The following JAM2 variants were observed in gnomAD, a reference collection of about 807,000 sequenced individuals.
JAM2 encodes the protein junctional adhesion molecule B.
A neutral mutation model predicts 42.0 loss-of-function variants in JAM2; 17 were observed. The ratio of observed to expected loss-of-function variants is 0.40; its 90% CI spans 0.28 to 0.61. The LOEUF (loss-of-function observed/expected upper bound fraction) is 0.61, where lower values mean the gene tolerates loss of function less well. Among genes scored for constraint, JAM2 ranks in the 20% least tolerant of loss-of-function variants. The pLI, the probability that JAM2 is intolerant of heterozygous loss-of-function variation, is 0.37. For missense variants in JAM2, 319 were observed against 358.3 expected, an observed-to-expected ratio of 0.89 and a Z score of 0.89; for synonymous variants, 118 against 128.6, an observed-to-expected ratio of 0.92 and a Z score of 0.56.
chr21:25,689,171 T>G (rs1157558385), intron 2 of JAM2, among the ~76,000 whole-genome samples: 2 of 152,208 alleles, frequency 1.3e-5, no homozygotes, highest in African/African-American at 4.8e-5. Flanking sequence ...TGCTAAGATT[T>G]AATACTTTAA....
chr21:25,650,862 A>G (rs1476888419), intron 1 of JAM2, among the ~76,000 whole-genome samples: 1 of 152,010 alleles, frequency 6.6e-6, no homozygotes, highest in African/African-American at 2.4e-5. Flanking sequence ...TTTAGAAATC[A>G]CGTGTATGTG....
At chr21:25,664,135 T>G (rs1568894901) in intron 1 of JAM2, among the ~76,000 whole-genome samples, 2 of 152,264 alleles carry the variant, frequency 1.3e-5, no homozygotes, top group Admixed American at 6.5e-5. Flanking sequence ...TCACTGCACA[T>G]TGCCTGTTTC....
At chr21:25,681,245 C>A (rs980035471) in intron 1 of JAM2, among the ~76,000 whole-genome samples, 2 of 152,112 alleles carry the variant, frequency 1.3e-5, no homozygotes, top group Admixed American at 1.3e-4. Flanking sequence ...CTTGAGATGA[C>A]CAATGTATTT....
intron 1 of JAM2, among the ~76,000 whole-genome samples, chr21:25,679,602 G>A (rs752082346): frequency 2.6e-5 from 4 of 152,204 alleles, no homozygotes; most frequent in Non-Finnish European, 5.9e-5. Context: ...GAATGATTGA[G>A]TGCCAGATAT....
intron 2 of JAM2, among the ~76,000 whole-genome samples, chr21:25,684,484 A>C (rs1391582843): frequency 6.6e-6 from 1 of 152,236 alleles, no homozygotes; most frequent in Non-Finnish European, 1.5e-5. Context: ...ATACAGTTAA[A>C]AATGGTCAAG....
At chr21:25,682,900 TC>T (rs1456434992) in intron 1 of JAM2, among the ~76,000 whole-genome samples, 1 of 152,068 alleles carries the variant, frequency 6.6e-6, no homozygotes, top group Non-Finnish European at 1.5e-5. Flanking sequence ...CTCTCGGTGT[TC>T]AGACGTCTCT....
Position 25,714,693 on chromosome 21 carries a change from A to C in JAM2, c.*21A>C, listed in dbSNP as rs762504079. On this transcript the variant is annotated 3_prime_UTR_variant, in exon 10 of 10. Transcript: ENST00000480456. Reference sequence around the variant, plus strand: ...TTTAAAGACTCCACTTTAGAGATACACCAAAGCCACCGTTGTTACACAAGT... The same window carrying C: ...TTTAAAGACTCCACTTTAGAGATACCCCAAAGCCACCGTTGTTACACAAGT... The C allele has an allele frequency of 6.9e-7, 1 of 1,459,350 alleles. No homozygotes were observed. Among genetic ancestry groups the C allele is most frequent in the South Asian group, 1.3e-5 (1 of 74,694 alleles). 90.4% of individuals were successfully genotyped at this position (1,459,350 alleles called of 1,614,324 possible). A position where few individuals can be genotyped will look rare whatever the true frequency, so the allele number is the denominator to read the frequency against.
At chr21:25,685,551 T>A in intron 2 of JAM2, among the ~76,000 whole-genome samples, 2 of 145,758 alleles carry the variant, frequency 1.4e-5, no homozygotes, top group African/African-American at 2.6e-5. Flanking sequence ...AAAAAAAAGT[T>A]CATCATTTTA....
intron 1 of JAM2, among the ~76,000 whole-genome samples, chr21:25,671,410 C>A (rs1482739548): frequency 6.6e-6 from 1 of 152,166 alleles, no homozygotes; most frequent in African/African-American, 2.4e-5. Flanking sequence ...GGGTTGGTCC[C>A]AAAACTTAAG....
chr21:25,699,729 A>G (rs1478659188), intron 5 of JAM2, among the ~76,000 whole-genome samples: 1 of 100,804 alleles, frequency 9.9e-6, no homozygotes, highest in African/African-American at 8.1e-5. Context: ...TCTCAAAAAA[A>G]AAAAAAAAAA....
At chr21:25,683,105 C>T (rs2033674237) in intron 1 of JAM2, among the ~76,000 whole-genome samples, 1 of 151,988 alleles carries the variant, frequency 6.6e-6, no homozygotes, top group South Asian at 2.1e-4. Context: ...TCACGGGTCT[C>T]CAGGCCTGAG....
chr21:25,707,956 C>T (rs538482289), intron 7 of JAM2, among the ~76,000 whole-genome samples: 1 of 152,112 alleles, frequency 6.6e-6, no homozygotes, highest in South Asian at 2.1e-4. Flanking sequence ...GCAGTCCTCC[C>T]ACCTCAGCCT....
At chr21:25,706,770 C>G (rs2034279728) in intron 7 of JAM2, among the ~76,000 whole-genome samples, 1 of 151,982 alleles carries the variant, frequency 6.6e-6, no homozygotes, top group South Asian at 2.1e-4. Flanking sequence ...GACGGAGTCT[C>G]ACTGTGTCGC....
chr21:25,714,676 C>T lies in JAM2; in HGVS notation c.*4C>T. The T allele has an allele frequency of 6.6e-7, 1 of 1,505,610 alleles. No individual in the cohort carries two copies. Among genetic ancestry groups the T allele is most frequent in the Non-Finnish European group, 8.9e-7 (1 of 1,121,658 alleles). The allele number at this position is 1,505,610 out of a possible 1,614,324, so 93.3% of individuals were successfully genotyped here. A position where few individuals can be genotyped will look rare whatever the true frequency, so the allele number is the denominator to read the frequency against. ...CACAAAATCCTTTATAATTTAAAGACTCCACTTTAGAGATACACCAAAGCC... is the reference window on the plus strand; with the variant it reads ...CACAAAATCCTTTATAATTTAAAGATTCCACTTTAGAGATACACCAAAGCC... On this transcript the variant is annotated 3_prime_UTR_variant, in exon 10 of 10. Transcript: ENST00000480456.
At chr21:25,696,958 T>C (rs947790773) in intron 4 of JAM2, among the ~76,000 whole-genome samples, 1 of 152,104 alleles carries the variant, frequency 6.6e-6, no homozygotes, top group Admixed American at 6.5e-5. Flanking sequence ...GCTTAAGTGA[T>C]TCTCCCATCT....
chr21:25,699,536 C>T (rs1454688191), intron 5 of JAM2, among the ~76,000 whole-genome samples: 1 of 151,938 alleles, frequency 6.6e-6, no homozygotes, highest in East Asian at 1.9e-4. Flanking sequence ...TCCTGGCTAA[C>T]ACGGTGAAAC....
chr21:25,680,479 T>C (rs560792781), intron 1 of JAM2, among the ~76,000 whole-genome samples: 2 of 152,360 alleles, frequency 1.3e-5, no homozygotes, highest in African/African-American at 2.4e-5. Flanking sequence ...CCTAAGTTTC[T>C]GGTGTGAGTG....
chr21:25,668,938 A>G (rs1486016153), intron 1 of JAM2, among the ~76,000 whole-genome samples: 2 of 152,218 alleles, frequency 1.3e-5, no homozygotes, highest in Non-Finnish European at 2.9e-5. Flanking sequence ...GGAAGGCATC[A>G]TCATAAATTA....
chr21:25,697,182 TA>T (rs1294224858), intron 4 of JAM2, among the ~76,000 whole-genome samples: 1 of 152,086 alleles, frequency 6.6e-6, no homozygotes, highest in Non-Finnish European at 1.5e-5. Context: ...TTTCCTTCTG[TA>T]ATCAGCCAGA....
Sources: gnomAD v4.1 joint callset for allele counts (sites outside exome capture counted in the v4.1 genomes callset) on GRCh38, gnomAD v4.1.1 for gene constraint, MANE v1.5 for transcripts, NCBI Gene and HGNC (gene_info 2026-07-23, HGNC 2026-07-21) for gene names.